Variants in ADAMTSL1 observed in about 807,000 individuals in gnomAD.
The protein encoded by ADAMTSL1 is ADAMTS-like protein 1.
A neutral mutation model predicts 201.8 loss-of-function variants in ADAMTSL1; 126 were observed. The ratio of observed to expected loss-of-function variants is 0.62; its 90% CI spans 0.54 to 0.72. The LOEUF is 0.72. ADAMTSL1 is among the 30% of genes least tolerant of loss of function. The pLI is 0.00. For missense variants in ADAMTSL1, 2,679 were observed against 2,277.8 expected, an observed-to-expected ratio of 1.18 and a Z score of -3.59; for synonymous variants, 1,121 against 903.4, an observed-to-expected ratio of 1.24 and a Z score of -4.32.
chr9:18,402,300 A>G lies in ADAMTSL1; in HGVS notation c.208-102529A>G, dbSNP rs578208710. ...TGCGCTTCTCATTTAATTGGTCAATAAAATTTATCAATTCTAAGTTGGAAT... is the reference window on the plus strand; with the variant it reads ...TGCGCTTCTCATTTAATTGGTCAATGAAATTTATCAATTCTAAGTTGGAAT... On this transcript the variant is annotated intron_variant, in intron 2 of 29. Coordinates refer to the ADAMTSL1 transcript ENST00000680146. Among the ~76,000 whole-genome samples the G allele has an allele frequency of 6.6e-5, 10 of 152,358 alleles. No homozygotes were observed. In the South Asian group the frequency reaches 1.7e-3, roughly 25 times the overall value.
intron 1 of ADAMTSL1, among the ~76,000 whole-genome samples, chr9:18,013,548 A>T (rs1820138897): frequency 5.3e-5 from 8 of 152,076 alleles, no homozygotes; most frequent in Admixed American, 5.2e-4. Context: ...AAACCAAAGC[A>T]ACCAAAAAAC....
chr9:18,336,939 CA>C (rs1225591638), intron 2 of ADAMTSL1, among the ~76,000 whole-genome samples: 1 of 152,074 alleles, frequency 6.6e-6, no homozygotes, highest in East Asian at 1.9e-4. Flanking sequence ...GACATTGTTC[CA>C]AGCCTTTATT....
upstream of ADAMTSL1, among the ~76,000 whole-genome samples, chr9:18,473,034 G>A (rs1246164188): frequency 1.3e-5 from 2 of 152,124 alleles, no homozygotes; most frequent in African/African-American, 4.8e-5. Context: ...GCTGTTGCTG[G>A]CCTTGTCGTC....
chr9:18,312,934 G>A (rs1336043860), intron 2 of ADAMTSL1, among the ~76,000 whole-genome samples: 2 of 152,136 alleles, frequency 1.3e-5, no homozygotes, highest in Non-Finnish European at 2.9e-5. Context: ...TACTAATAAG[G>A]GGCACTGATT....
intron 2 of ADAMTSL1, among the ~76,000 whole-genome samples, chr9:18,381,180 C>A (rs920986128): frequency 6.6e-6 from 1 of 152,134 alleles, no homozygotes; most frequent in African/African-American, 2.4e-5. Context: ...ATTGGACTTT[C>A]CCTTTAGGCT....
chr9:17,932,768 T>C (rs1375208446), intron 1 of ADAMTSL1, among the ~76,000 whole-genome samples: 1 of 152,232 alleles, frequency 6.6e-6, no homozygotes, highest in Non-Finnish European at 1.5e-5. Flanking sequence ...CTTATTACAA[T>C]AGACTATTCT....
intron 13 of ADAMTSL1, among the ~76,000 whole-genome samples, chr9:18,695,401 G>T (rs1831492207): frequency 6.6e-6 from 1 of 152,114 alleles, no homozygotes; most frequent in Non-Finnish European, 1.5e-5. Flanking sequence ...TACCACATAG[G>T]CTGCAAATTT....
At chr9:18,842,074 T>C (rs888530053) in intron 23 of ADAMTSL1, among the ~76,000 whole-genome samples, 1 of 151,698 alleles carries the variant, frequency 6.6e-6, no homozygotes, top group Admixed American at 6.6e-5. Flanking sequence ...TCTTGCCTTC[T>C]GCTAGCTTTT....
intron 2 of ADAMTSL1, among the ~76,000 whole-genome samples, chr9:18,324,313 T>C (rs543206468): frequency 6.6e-5 from 10 of 152,170 alleles, no homozygotes; most frequent in Admixed American, 3.3e-4. Context: ...TAATTCAAAA[T>C]GGATGATGGG....
At chr9:18,149,085 T>A (rs969392765) in intron 1 of ADAMTSL1, among the ~76,000 whole-genome samples, 1 of 152,054 alleles carries the variant, frequency 6.6e-6, no homozygotes, top group Non-Finnish European at 1.5e-5. Context: ...GAGGAATAGA[T>A]GATTGATTCC....
chr9:18,207,427 T>C (rs1221272239), intron 2 of ADAMTSL1, among the ~76,000 whole-genome samples: 4 of 152,186 alleles, frequency 2.6e-5, no homozygotes, highest in Admixed American at 2.6e-4. Flanking sequence ...ATCCAGTTAG[T>C]GACCAAACTG....
chr9:17,954,526 T>C lies in ADAMTSL1; in HGVS notation c.87+47604T>C, dbSNP rs143710665. ...ACAAAATGTCATTATTATACCTGCA[T>C]GACATTTTCAATGGGAAAAGCAGCT... is the stretch of plus-strand genomic sequence containing the variant. On this transcript the variant is annotated intron_variant, in intron 1 of 29. Transcript: ENST00000680146. Among the ~76,000 whole-genome samples, 916 of 152,340 alleles carry C rather than the reference T, an allele frequency of 6.0e-3. 13 individuals are homozygous for C. The highest frequency in any genetic ancestry group is 0.021 in the African/African-American group (854 of 41,580).
Position 18,865,898 on chromosome 9 carries a change from T to C in ADAMTSL1, c.4250-21933T>C, listed in dbSNP as rs190072743. On this transcript the variant is annotated intron_variant, in intron 23 of 28. Coordinates refer to ENST00000380548, the MANE Select transcript of ADAMTSL1 (RefSeq NM_001040272.6). ...CACTGCCTGCTGATGGCCTCTTTCC[T>C]GGGGTGGAAATGCTCCGCATATACG... 3.9e-5 allele frequency among the ~76,000 whole-genome samples: 6 copies of C among 152,076 alleles called. No individual in the cohort carries two copies. In the East Asian group the frequency reaches 1.2e-3, roughly 29 times the overall value.
intron 1 of ADAMTSL1, among the ~76,000 whole-genome samples, chr9:18,154,466 C>A (rs888058029): frequency 6.6e-6 from 1 of 152,014 alleles, no homozygotes; most frequent in Non-Finnish European, 1.5e-5. Flanking sequence ...ACATCTGAGT[C>A]TGTGTGAACA....
chr9:18,803,351 T>C (rs571271278), intron 20 of ADAMTSL1, among the ~76,000 whole-genome samples: 26 of 152,332 alleles, frequency 1.7e-4, no homozygotes, highest in African/African-American at 5.8e-4. Flanking sequence ...TTCCTCCATC[T>C]TCACAACCAG....
At chr9:18,057,078 G>A (rs1258983003) in intron 1 of ADAMTSL1, among the ~76,000 whole-genome samples, 1 of 152,078 alleles carries the variant, frequency 6.6e-6, no homozygotes, top group African/African-American at 2.4e-5. Flanking sequence ...ACGTTGTCCT[G>A]GTGAAGGTCA....
At chr9:18,417,206 G>A (rs920499103) in intron 2 of ADAMTSL1, among the ~76,000 whole-genome samples, 3 of 151,786 alleles carry the variant, frequency 2.0e-5, no homozygotes, top group East Asian at 1.9e-4. Context: ...AAATTATAAC[G>A]TATTTTGAAC....
chr9:18,134,891 C>G (rs996071816), intron 1 of ADAMTSL1, among the ~76,000 whole-genome samples: 4 of 152,138 alleles, frequency 2.6e-5, no homozygotes, highest in Non-Finnish European at 5.9e-5. Context: ...GCCAGGAAGG[C>G]TAACCATGCC....
At chr9:18,642,764 C>A (rs1265328179) in intron 7 of ADAMTSL1, among the ~76,000 whole-genome samples, 1 of 151,910 alleles carries the variant, frequency 6.6e-6, no homozygotes, top group East Asian at 1.9e-4. Context: ...ACGGGATTTT[C>A]TTCTTTTTTC....
Sources: gnomAD v4.1 joint callset for allele counts (sites outside exome capture counted in the v4.1 genomes callset) on GRCh38, gnomAD v4.1.1 for gene constraint, MANE v1.5 for transcripts, NCBI Gene and HGNC (gene_info 2026-07-23, HGNC 2026-07-21) for gene names.